The following TSHZ1 variants were observed in gnomAD, a reference collection of about 807,000 sequenced individuals.
TSHZ1 encodes the protein teashirt homolog 1.
Under a neutral mutation model 67.1 loss-of-function variants are expected in TSHZ1, and 12 were observed. The observed-to-expected ratio is 0.18, with a 90% CI of 0.11 to 0.29. TSHZ1 has a LOEUF of 0.29. Ranked by LOEUF, TSHZ1 falls within the 10% of genes least tolerant of loss-of-function variation. The probability of loss-of-function intolerance (pLI) is 1.00; values close to 1 mark genes in which losing one functional copy is unlikely to be tolerated. For synonymous variants in TSHZ1, 632 were observed against 622.4 expected (o/e 1.02, Z -0.23); for missense variants, 1,305 against 1,413.9 (o/e 0.92, Z 1.23).
intron 1 of TSHZ1, among the ~76,000 whole-genome samples, chr18:75,260,220 CGT>C (rs79162254): frequency 0.13 from 19,769 of 152,284 alleles, 1,627 homozygotes; most frequent in East Asian, 0.31. Flanking sequence ...CAGTCACTAA[CGT>C]GTGAATTCAT....
intron 1 of TSHZ1, among the ~76,000 whole-genome samples, chr18:75,240,904 GC>G (rs2023147742): frequency 6.6e-6 from 1 of 152,148 alleles, no homozygotes; most frequent in Non-Finnish European, 1.5e-5. Context: ...TTAGTTAAAT[GC>G]ATTCAGAACA....
intron 1 of TSHZ1, among the ~76,000 whole-genome samples, chr18:75,241,150 A>G (rs1250224171): frequency 2.0e-5 from 3 of 152,192 alleles, no homozygotes; most frequent in Admixed American, 2.0e-4. Flanking sequence ...GATGCTGGGA[A>G]CACAGTTTCA....
intron 1 of TSHZ1, among the ~76,000 whole-genome samples, chr18:75,233,796 T>G (rs2023030295): frequency 6.6e-6 from 1 of 152,202 alleles, no homozygotes; most frequent in Admixed American, 6.5e-5. Flanking sequence ...ATTGTCGAAG[T>G]CTACCTTGCA....
At chr18:75,258,487 A>G (rs917567290) in intron 1 of TSHZ1, among the ~76,000 whole-genome samples, 1 of 152,230 alleles carries the variant, frequency 6.6e-6, no homozygotes, top group Admixed American at 6.5e-5. Flanking sequence ...GCAAGAAACT[A>G]AGCTTTACAG....
intron 1 of TSHZ1, among the ~76,000 whole-genome samples, chr18:75,231,518 C>T (rs763535507): frequency 2.0e-5 from 3 of 152,126 alleles, no homozygotes; most frequent in Non-Finnish European, 4.4e-5. Flanking sequence ...ACAGTGTTTC[C>T]TGCCTGCACT....
chr18:75,280,680 T>TAA, intron 1 of TSHZ1: 7 of 921,854 alleles, frequency 7.6e-6, no homozygotes, highest in Non-Finnish European at 9.1e-6. Context: ...AAAAGGTGTT[T>TAA]CAGTGATAAC....
chr18:75,251,993 A>G (rs887547252), intron 1 of TSHZ1, among the ~76,000 whole-genome samples: 1 of 152,240 alleles, frequency 6.6e-6, no homozygotes, highest in African/African-American at 2.4e-5. Context: ...TTGAAATCCC[A>G]TCATCCAGAA....
rs1472704026 is a variant in TSHZ1 at position 75,287,148 on chromosome 18, G to C, written c.1741G>C (p.Ala581Pro). 1 of 1,613,916 alleles carries C rather than the reference G, an allele frequency of 6.2e-7. No homozygotes were observed. The highest frequency in any genetic ancestry group is 8.5e-7 in the Non-Finnish European group (1 of 1,180,010). The change falls in exon 2 of 2, where the codon GCA (alanine) becomes CCA (proline). Residue 581 changes from alanine (A) to proline (P), a missense_variant. Ala to Pro is a conservative substitution (Grantham distance 27, BLOSUM62 -1). Coordinates refer to ENST00000580243, the MANE Select transcript of TSHZ1 (RefSeq NM_001308210.2). The surrounding 1 kb of genome is among the most constrained non-coding windows in gnomAD (Gnocchi z 5.0). ...PSWGGYPSIH[A>P]AYQLPGTVKP... ...ATGGGGTGGCTACCCCAGCATCCAT[G>C]CAGCCTACCAGCTCCCGGGCACCGT... is the stretch of plus-strand genomic sequence containing the variant.
At chr18:75,234,260 C>T (rs1455348922) in intron 1 of TSHZ1, among the ~76,000 whole-genome samples, 2 of 152,148 alleles carry the variant, frequency 1.3e-5, no homozygotes, top group East Asian at 1.9e-4. Context: ...GGGTTCCCTG[C>T]GCACCTACTC....
chr18:75,229,220 A>T (rs2022964707), intron 1 of TSHZ1, among the ~76,000 whole-genome samples: 1 of 152,246 alleles, frequency 6.6e-6, no homozygotes, highest in African/African-American at 2.4e-5. Context: ...CTCAGCTTTG[A>T]TGCTCAGAGA....
intron 1 of TSHZ1, among the ~76,000 whole-genome samples, chr18:75,240,691 A>G (rs1057065742): frequency 6.6e-6 from 1 of 152,042 alleles, no homozygotes; most frequent in African/African-American, 2.4e-5. Context: ...AGCTCCTCTG[A>G]TGCTTCTGGT....
At chr18:75,230,660 G>C (rs1329606506) in intron 1 of TSHZ1, among the ~76,000 whole-genome samples, 1 of 152,178 alleles carries the variant, frequency 6.6e-6, no homozygotes, top group South Asian at 2.1e-4. Context: ...GTCACCACAC[G>C]CAGGTATGAC....
At chr18:75,217,978 C>T (rs56758324) in intron 1 of TSHZ1, among the ~76,000 whole-genome samples, 14,612 of 152,200 alleles carry the variant, frequency 0.096, 804 homozygotes, top group African/African-American at 0.12. Context: ...ATGTTTTCCT[C>T]TCTTCCCCAC....
rs528246179 is a variant in TSHZ1, at chr18:75,281,957, T to C, written c.41-3491T>C. On this transcript the variant is annotated intron_variant, in intron 1 of 1. Coordinates refer to ENST00000580243, the MANE Select transcript of TSHZ1 (RefSeq NM_001308210.2). The surrounding 1 kb of genome is among the most constrained non-coding windows in gnomAD (Gnocchi z 5.3). ...TGATCACCCTGCTTTGCTTCTTCCC[T>C]GGGACATGAGTCCCCGTCCCTAGGG... 2.0e-5 allele frequency among the ~76,000 whole-genome samples: 3 copies of C among 152,274 alleles called. No homozygotes were observed. Among genetic ancestry groups the C allele is most frequent in the South Asian group, 4.1e-4 (2 of 4,826 alleles).
Position 75,288,600 on chromosome 18 carries a change from G to A in TSHZ1, c.3193G>A (p.Glu1065Lys), listed in dbSNP as rs201020301. 3.7e-6 allele frequency: 6 copies of A among 1,610,798 alleles called. No individual in the cohort carries two copies. Among genetic ancestry groups the A allele is most frequent in the East Asian group, 2.2e-5 (1 of 44,874 alleles). The stretch of plus-strand genomic sequence containing the variant: ...TAGTAAGACCCACGGCAAGTCTCCC[G>A]AGGACCACCTGATCTATGTGACTGA... Reference protein sequence around the residue: ...HLSKTHGKSPEDHLIYVTELE... With the variant: ...HLSKTHGKSPKDHLIYVTELE... Residue 1065 changes from glutamate (E) to lysine (K), a missense_variant, in exon 2 of 2, where the codon GAG becomes AAG. Transcript: ENST00000580243. This position sits in a 1 kb window ranked among gnomAD's most constrained non-coding sequence, Gnocchi z 4.9.
At position 75,286,233 on chromosome 18, in the gene TSHZ1, A is replaced by C. The variant is rs1250031052; in HGVS notation, c.826A>C (p.Arg276=). 5 of 1,613,920 alleles carry C rather than the reference A, an allele frequency of 3.1e-6. No homozygotes were observed. The highest frequency in any genetic ancestry group is 4.2e-6 in the Non-Finnish European group (5 of 1,179,944). Reference sequence around the variant, plus strand: ...GACAGGCCACTACCGTGACGACAACAGGGACAAGGACTCCGAGAAGACCAA... The same window carrying C: ...GACAGGCCACTACCGTGACGACAACCGGGACAAGGACTCCGAGAAGACCAA... ...NETGHYRDDN[R]DKDSEKTKRW... is the part of the protein sequence containing the mutation. The change falls in exon 2 of 2, where the codon AGG becomes CGG. Residue 276 remains arginine (R), a synonymous_variant. Coordinates refer to ENST00000580243, the MANE Select transcript of TSHZ1 (RefSeq NM_001308210.2). This position sits in a 1 kb window ranked among gnomAD's most constrained non-coding sequence, Gnocchi z 5.1.
intron 1 of TSHZ1, among the ~76,000 whole-genome samples, chr18:75,270,942 G>A (rs1448540130): frequency 1.3e-5 from 2 of 152,152 alleles, no homozygotes; most frequent in Non-Finnish European, 2.9e-5. Flanking sequence ...AGAGAACCAC[G>A]GAAATGAAGT....
intron 1 of TSHZ1, among the ~76,000 whole-genome samples, chr18:75,230,921 G>T (rs1418715079): frequency 3.3e-5 from 5 of 152,220 alleles, no homozygotes; most frequent in Non-Finnish European, 7.3e-5. Context: ...GCCATCAGTG[G>T]ATGGGAGGTG....
intron 1 of TSHZ1, among the ~76,000 whole-genome samples, chr18:75,251,853 A>T (rs532082472): frequency 6.6e-6 from 1 of 152,050 alleles, no homozygotes; most frequent in Non-Finnish European, 1.5e-5. Flanking sequence ...AAAGGTGTTA[A>T]CTCATCGCTT....
Sources: allele counts gnomAD v4.1 joint callset (sites outside exome capture counted in the v4.1 genomes callset), GRCh38; gene constraint gnomAD v4.1.1; non-coding constraint Gnocchi (gnomAD v3.1); transcripts MANE v1.5; gene names NCBI Gene and HGNC (gene_info 2026-07-23, HGNC 2026-07-21).